GPRIN3: variants seen among roughly 807,000 people sequenced by gnomAD.
The protein encoded by GPRIN3 is GPRIN family member 3, also known as G protein-regulated inducer of neurite outgrowth 3.
In GPRIN3, 12 loss-of-function variants were observed where a neutral mutation model predicts 13.7. The observed-to-expected ratio is 0.87, with a 90% confidence interval of 0.56 to 1.42. GPRIN3 has a LOEUF of 1.42. Among genes scored for constraint, GPRIN3 ranks in the 40% most tolerant of loss-of-function variants. The pLI is 0.00. For missense variants in GPRIN3, 1,009 were observed against 958.7 expected, an observed-to-expected ratio of 1.05 and a Z score of -0.69; for synonymous variants, 377 against 372.7, an observed-to-expected ratio of 1.01 and a Z score of -0.13.
At chr4:89,306,873 T>TC (rs1725047808) in intron 1 of GPRIN3, among the ~76,000 whole-genome samples, 1 of 152,154 alleles carries the variant, frequency 6.6e-6, no homozygotes, top group Non-Finnish European at 1.5e-5. Context: ...TCTCCTTTTT[T>TC]CCCTCTTTCA....
chr4:89,278,010 T>A (rs190068756), intron 1 of GPRIN3, among the ~76,000 whole-genome samples: 28 of 152,234 alleles, frequency 1.8e-4, no homozygotes, highest in Non-Finnish European at 2.5e-4. Context: ...GCTTTATAAA[T>A]CCATGTATCA....
At chr4:89,277,966 G>A (rs1480501467) in intron 1 of GPRIN3, among the ~76,000 whole-genome samples, 8 of 152,030 alleles carry the variant, frequency 5.3e-5, no homozygotes, top group Non-Finnish European at 8.8e-5. Flanking sequence ...TCACCACCCC[G>A]TATTTTCCTT....
At chr4:89,285,142 C>T (rs1372462219) in intron 1 of GPRIN3, among the ~76,000 whole-genome samples, 3 of 150,928 alleles carry the variant, frequency 2.0e-5, no homozygotes, top group African/African-American at 7.3e-5. Flanking sequence ...CACCTAGCCA[C>T]TCTCACCCCT....
intron 1 of GPRIN3, among the ~76,000 whole-genome samples, chr4:89,300,048 C>G (rs1724852171): frequency 1.3e-5 from 2 of 152,148 alleles, no homozygotes; most frequent in Non-Finnish European, 2.9e-5. Context: ...CTTTAACAGA[C>G]TACGTTAACT....
Position 89,249,278 on chromosome 4 carries a change from G to A in GPRIN3, c.833C>T (p.Pro278Leu), listed in dbSNP as rs1184773915. 1.1e-5 allele frequency: 17 copies of A among 1,613,934 alleles called. No homozygotes were observed. The highest frequency in any genetic ancestry group is 1.4e-5 in the Non-Finnish European group (17 of 1,180,026). The change falls in exon 2 of 2, where the codon CCC becomes CTC. Residue 278 changes from proline to leucine, a missense_variant. Transcript: ENST00000609438. The part of the protein sequence containing the change: ...TPLTSEPSAC[P>L]PGPEKVPLPA... ...CAGCGGCACCTTCTCTGGACCTGGG[G>A]GACATGCCGAAGGTTCGCTAGTGAG...
intron 1 of GPRIN3, among the ~76,000 whole-genome samples, chr4:89,275,894 C>T (rs1561210931): frequency 6.6e-6 from 1 of 152,204 alleles, no homozygotes; most frequent in Non-Finnish European, 1.5e-5. Context: ...CTGCCTAACT[C>T]ACCTTAATGG....
chr4:89,294,541 G>T (rs1437334477), intron 1 of GPRIN3, among the ~76,000 whole-genome samples: 1 of 152,038 alleles, frequency 6.6e-6, no homozygotes, highest in African/African-American at 2.4e-5. Context: ...TTAAAGGCAG[G>T]GATGCATCTT....
chr4:89,270,577 A>ATATTTATATATGTATATAATT (rs1561205503), intron 1 of GPRIN3, among the ~76,000 whole-genome samples: 15 of 99,160 alleles, frequency 1.5e-4, no homozygotes, highest in African/African-American at 8.4e-4. Context: ...ATATATATAT[A>ATATTTATATATGTATATAATT]TATATATATA....
Position 89,250,172 on chromosome 4 carries a change from G to A in GPRIN3, c.-62C>T. The A allele has an allele frequency of 6.5e-7, 1 of 1,541,978 alleles. No homozygotes were observed. Among genetic ancestry groups the A allele is most frequent in the East Asian group, 2.3e-5 (1 of 44,220 alleles). On this transcript the variant is annotated 5_prime_UTR_variant, in exon 2 of 2. Coordinates refer to ENST00000609438, the MANE Select transcript of GPRIN3 (RefSeq NM_198281.3). Reference sequence around the variant, plus strand: ...AGTACTGGTCCCACTGGTGGGGGAGGGGAGCGCAGTCAGAGCTCAGAGTGA... The same window carrying A: ...AGTACTGGTCCCACTGGTGGGGGAGAGGAGCGCAGTCAGAGCTCAGAGTGA...
chr4:89,265,589 G>C (rs1723759435), intron 1 of GPRIN3, among the ~76,000 whole-genome samples: 1 of 152,152 alleles, frequency 6.6e-6, no homozygotes, highest in Non-Finnish European at 1.5e-5. Context: ...TAGTGGCTAG[G>C]AACATATGTT....
intron 1 of GPRIN3, among the ~76,000 whole-genome samples, chr4:89,291,265 T>A (rs1724564442): frequency 6.6e-6 from 1 of 152,152 alleles, no homozygotes; most frequent in African/African-American, 2.4e-5. Context: ...AATGCTTCTG[T>A]GTAACCACCA....
intron 1 of GPRIN3, among the ~76,000 whole-genome samples, chr4:89,280,374 T>A (rs1437848992): frequency 6.6e-6 from 1 of 152,264 alleles, no homozygotes; most frequent in South Asian, 2.1e-4. Context: ...AATCCTTTTA[T>A]GGTACCCACA....
intron 1 of GPRIN3, among the ~76,000 whole-genome samples, chr4:89,298,810 G>T (rs1724812234): frequency 6.6e-6 from 1 of 151,896 alleles, no homozygotes; most frequent in Admixed American, 6.6e-5. Flanking sequence ...CCTATTTCCA[G>T]TTGGAGGAAA....
chr4:89,305,266 A>G (rs2110033213), intron 1 of GPRIN3, among the ~76,000 whole-genome samples: 1 of 152,148 alleles, frequency 6.6e-6, no homozygotes, highest in African/African-American at 2.4e-5. Context: ...TCACTGGGCT[A>G]GGTCCTCTCA....
intron 1 of GPRIN3, among the ~76,000 whole-genome samples, chr4:89,267,971 G>A (rs56688135): frequency 0.087 from 13,300 of 152,138 alleles, 666 homozygotes; most frequent in South Asian, 0.13. Flanking sequence ...ATCAGATTGC[G>A]TGATATTTGT....
At chr4:89,304,019 C>T (rs1336132727) in intron 1 of GPRIN3, among the ~76,000 whole-genome samples, 4 of 151,902 alleles carry the variant, frequency 2.6e-5, no homozygotes, top group Non-Finnish European at 5.9e-5. Flanking sequence ...TCTTTGCTTC[C>T]TCCTTCTATA....
chr4:89,294,428 T>C (rs975157790), intron 1 of GPRIN3, among the ~76,000 whole-genome samples: 4 of 152,222 alleles, frequency 2.6e-5, no homozygotes, highest in Non-Finnish European at 4.4e-5. Context: ...ATTTTTATCA[T>C]ACTGTATGTG....
rs1723204343 is a variant in GPRIN3, at chr4:89,248,841, T to C, written c.1270A>G (p.Asn424Asp). 1.9e-6 allele frequency: 3 copies of C among 1,614,132 alleles called. No homozygotes were observed. The highest frequency in any genetic ancestry group is 2.5e-6 in the Non-Finnish European group (3 of 1,180,010). ...TGCTGGGCATTACTGGAGACCAAAT[T>C]GATTGATGAGGTTTTAAGGACCCCA... ...PGGVLKTSSI[N>D]LVSSNAQHTC... Residue 424 changes from asparagine to aspartate, a missense_variant, in exon 2 of 2, where the codon AAT becomes GAT. Coordinates refer to ENST00000609438, the MANE Select transcript of GPRIN3 (RefSeq NM_198281.3).
intron 1 of GPRIN3, among the ~76,000 whole-genome samples, chr4:89,302,123 A>T (rs1376429447): frequency 1.3e-5 from 2 of 152,232 alleles, no homozygotes; most frequent in Non-Finnish European, 2.9e-5. Flanking sequence ...CTTGGGACAG[A>T]GATGAGATCA....
Sources: gnomAD v4.1 joint callset for allele counts (sites outside exome capture counted in the v4.1 genomes callset) on GRCh38, gnomAD v4.1.1 for gene constraint, MANE v1.5 for transcripts, NCBI Gene and HGNC (gene_info 2026-07-23, HGNC 2026-07-21) for gene names.